The following ZNF254 variants were observed in gnomAD, a reference collection of about 807,000 sequenced individuals.
The protein encoded by ZNF254 is CTD-2017D11.1.
In ZNF254, 10 loss-of-function variants were observed where a neutral mutation model predicts 12.4. That is an observed-to-expected ratio of 0.80 (90% CI 0.50 to 1.36). The LOEUF (loss-of-function observed/expected upper bound fraction) is 1.36. Ranked by LOEUF, ZNF254 falls within the 40% of genes most tolerant of loss-of-function variation. The pLI, the probability that ZNF254 is intolerant of heterozygous loss-of-function variation, is 0.00. For missense variants in ZNF254, 996 were observed against 763.9 expected (o/e 1.30, Z -3.58); for synonymous variants, 305 against 253.4 (o/e 1.20, Z -1.93).
At chr19:24,112,509 G>T (rs1383132907) in intron 3 of ZNF254, among the ~76,000 whole-genome samples, 1 of 149,758 alleles carries the variant, frequency 6.7e-6, no homozygotes, top group Non-Finnish European at 1.5e-5. Flanking sequence ...AGCTTGATGG[G>T]GATGGCATTG....
intron 2 of ZNF254, among the ~76,000 whole-genome samples, chr19:24,049,203 TATATATA>T (rs1568426412): frequency 4.4e-5 from 3 of 68,492 alleles, no homozygotes; most frequent in Admixed American, 1.6e-4. Flanking sequence ...TATATATATA[TATATATA>T]TATATTTTTT....
intron 2 of ZNF254, among the ~76,000 whole-genome samples, chr19:24,050,243 T>G: frequency 6.6e-6 from 1 of 152,148 alleles, no homozygotes; most frequent in East Asian, 1.9e-4. Context: ...CACTTCAACC[T>G]TTGCCTCCTG....
intron 2 of ZNF254, among the ~76,000 whole-genome samples, chr19:24,051,821 A>T (rs1433416778): frequency 1.3e-5 from 2 of 152,170 alleles, no homozygotes; most frequent in East Asian, 3.9e-4. Context: ...CACATAGGTG[A>T]TGTGACTCTT....
At chr19:24,038,627 C>T (rs1034739771) in intron 1 of ZNF254, among the ~76,000 whole-genome samples, 1 of 152,204 alleles carries the variant, frequency 6.6e-6, no homozygotes, top group African/African-American at 2.4e-5. Context: ...GCCCACCATG[C>T]TTCATTCTGT....
In ZNF254 at chr19:24,087,353, C is replaced by T. The variant is rs749553373; in HGVS notation, c.30+16C>T. ...CCTAGAAATGGTGAGAATGCCAGTC[C>T]GACATCCCGAGAGAGGGGAGGGGGC... On this transcript the variant is annotated intron_variant, in intron 1 of 3. Transcript: ENST00000357002. 6 of 1,613,392 alleles carry T rather than the reference C, an allele frequency of 3.7e-6. No homozygotes were observed. Among genetic ancestry groups the T allele is most frequent in the Non-Finnish European group, 4.2e-6 (5 of 1,179,598 alleles).
chr19:24,059,290 C>A (rs998155604), intron 2 of ZNF254, among the ~76,000 whole-genome samples: 3 of 152,192 alleles, frequency 2.0e-5, no homozygotes, highest in African/African-American at 7.2e-5. Context: ...CTGGGCCCAG[C>A]ACCTAGGTGA....
At chr19:24,100,222 A>G (rs565764698) in intron 1 of ZNF254, among the ~76,000 whole-genome samples, 1 of 152,242 alleles carries the variant, frequency 6.6e-6, no homozygotes, top group South Asian at 2.1e-4. Context: ...CAGAAACCTA[A>G]TCAGAGTAAC....
chr19:24,050,461 C>G (rs1555752017), intron 2 of ZNF254, among the ~76,000 whole-genome samples: 1 of 152,124 alleles, frequency 6.6e-6, no homozygotes, highest in Non-Finnish European at 1.5e-5. Context: ...CTCTTGGCAC[C>G]CTTTGACTAT....
At chr19:24,115,166 C>G (rs1016426084) in intron 3 of ZNF254, among the ~76,000 whole-genome samples, 1 of 152,034 alleles carries the variant, frequency 6.6e-6, no homozygotes, top group Non-Finnish European at 1.5e-5. Context: ...CCACCCAACC[C>G]ATTACTGGGT....
intron 2 of ZNF254, among the ~76,000 whole-genome samples, chr19:24,047,596 C>CTTTTTTTTTTTTTTTTTTTTTTTTCT (rs386388790): frequency 9.3e-6 from 1 of 107,964 alleles, no homozygotes; most frequent in African/African-American, 3.7e-5. Flanking sequence ...TTCATTCTTC[C>CTTTTTTTTTTTTTTTTTTTTTTTTCT]TTTTTTTTTT....
intron 3 of ZNF254, among the ~76,000 whole-genome samples, chr19:24,110,856 T>C (rs1229465873): frequency 6.6e-6 from 1 of 152,076 alleles, no homozygotes; most frequent in Non-Finnish European, 1.5e-5. Context: ...TGACAAGATT[T>C]TTTTTTTTCA....
At chr19:24,093,176 G>A (rs1267974845) in intron 1 of ZNF254, among the ~76,000 whole-genome samples, 9 of 151,808 alleles carry the variant, frequency 5.9e-5, no homozygotes. Context: ...AGATTTTTAT[G>A]AATTCTGGAC....
upstream of ZNF254, among the ~76,000 whole-genome samples, chr19:24,086,123 C>A (rs1411348447): frequency 6.6e-6 from 1 of 151,838 alleles, no homozygotes; most frequent in Admixed American, 6.6e-5. Flanking sequence ...AGGAGAATCG[C>A]TTGAACCCAG....
rs750329557 is a variant in ZNF254 at position 24,127,808 on chromosome 19, A to G, written c.1808A>G (p.Lys603Arg). The G allele has an allele frequency of 6.2e-7, 1 of 1,613,000 alleles. No individual in the cohort carries two copies. Among genetic ancestry groups the G allele is most frequent in the South Asian group, 1.1e-5 (1 of 91,026 alleles). ...ATTCATACTGGAGTAAAACCCTACA[A>G]ATGTGAAGAATGTGGCAAAGCATTT... ...KVIHTGVKPY[K>R]CEECGKAFFW... Residue 603 changes from lysine to arginine, a missense_variant, in exon 4 of 4, where the codon AAA becomes AGA. By Grantham distance (26) the Lys-to-Arg change is conservative. Coordinates refer to ENST00000357002, the MANE Select transcript of ZNF254 (RefSeq NM_203282.4).
chr19:24,087,011 A>AG, upstream of ZNF254: 1 of 367,498 alleles, frequency 2.7e-6, no homozygotes, highest in South Asian at 2.6e-5. Flanking sequence ...CTGCCCGATA[A>AG]GGCTGCAGCT....
At chr19:24,055,803 G>A (rs935471086) in intron 2 of ZNF254, among the ~76,000 whole-genome samples, 5 of 152,310 alleles carry the variant, frequency 3.3e-5, no homozygotes, top group Admixed American at 6.5e-5. Flanking sequence ...AAGTCCACAG[G>A]AGGAGTATAG....
At chr19:24,043,264 A>T (rs1970245807) in intron 1 of ZNF254, among the ~76,000 whole-genome samples, 1 of 147,908 alleles carries the variant, frequency 6.8e-6, no homozygotes, top group Non-Finnish European at 1.5e-5. Context: ...AAGCCAAAAA[A>T]AAATTTTTTT....
At chr19:24,033,496 T>G in exon 1 of ZNF254, 1 of 206,846 alleles carries the variant, frequency 4.8e-6, no homozygotes, top group Middle Eastern at 2.0e-3. Flanking sequence ...AATCCGTCTC[T>G]GCTCTTCTGC....
chr19:24,097,216 C>T (rs2145726907), intron 1 of ZNF254, among the ~76,000 whole-genome samples: 1 of 152,188 alleles, frequency 6.6e-6, no homozygotes, highest in East Asian at 1.9e-4. Context: ...TTATGATAGT[C>T]TTTTAAAGTT....
Sources: gnomAD v4.1 joint callset for allele counts (sites outside exome capture counted in the v4.1 genomes callset) on GRCh38, gnomAD v4.1.1 for gene constraint, MANE v1.5 for transcripts, NCBI Gene and HGNC (gene_info 2026-07-23, HGNC 2026-07-21) for gene names.